The following EXOC1 variants were observed in gnomAD, a reference collection of about 807,000 sequenced individuals.
EXOC1 encodes exocyst complex component 1.
In EXOC1, 67 loss-of-function variants were observed where a neutral mutation model predicts 107.7. The ratio of observed to expected loss-of-function variants is 0.62; its 90% CI spans 0.51 to 0.76. EXOC1 has a LOEUF of 0.76. EXOC1 is among the 30% of genes least tolerant of loss of function. The pLI is 0.00. For missense variants in EXOC1, 833 were observed against 1,055.7 expected, an observed-to-expected ratio of 0.79 and a Z score of 2.92; for synonymous variants, 348 against 353.5, an observed-to-expected ratio of 0.98 and a Z score of 0.17.
At chr4:55,901,731 A>G (rs972264680) in intron 17 of EXOC1, among the ~76,000 whole-genome samples, 2 of 152,152 alleles carry the variant, frequency 1.3e-5, no homozygotes, top group Non-Finnish European at 2.9e-5. Context: ...ATGATGGTAT[A>G]GTGAAGTAGC....
At chr4:55,904,279 T>A in intron 18 of EXOC1, 64 bp from the exon 19 acceptor site, 4 of 1,433,016 alleles carry the variant, frequency 2.8e-6, no homozygotes, top group Non-Finnish European at 3.7e-6. Context: ...TTGGCATTAT[T>A]TCTGCATACT....
chr4:55,875,971 T>A, intron 8 of EXOC1: 1 of 953,952 alleles, frequency 1.0e-6, no homozygotes, highest in Middle Eastern at 5.4e-4. Flanking sequence ...CTATAATATC[T>A]ATATCTGGCT....
At chr4:55,866,356 T>A (rs967133652) in intron 4 of EXOC1, among the ~76,000 whole-genome samples, 1 of 152,168 alleles carries the variant, frequency 6.6e-6, no homozygotes, top group African/African-American at 2.4e-5. Context: ...ACCAGCTTTT[T>A]AAAAAAGAAT....
At chr4:55,872,241 A>G (rs1254471680) in intron 8 of EXOC1, among the ~76,000 whole-genome samples, 1 of 150,216 alleles carries the variant, frequency 6.7e-6, no homozygotes, top group African/African-American at 2.5e-5. Context: ...AGATATTTTT[A>G]TTTATAAAGT....
At chr4:55,900,025 G>T in intron 17 of EXOC1, 141 bp downstream of exon 17, 1 of 580,310 alleles carries the variant, frequency 1.7e-6, no homozygotes, top group Non-Finnish European at 3.0e-6. Context: ...CTGCCAGTGT[G>T]CCAGACACTG....
intron 6 of EXOC1, 87 bp from the exon 7 acceptor site, chr4:55,871,014 A>G: frequency 6.4e-7 from 1 of 1,556,182 alleles, no homozygotes; most frequent in South Asian, 1.2e-5. Flanking sequence ...AAATAATTCC[A>G]AAGACCTAAT....
chr4:55,853,989 C>T (rs1720712898), intron 1 of EXOC1, 36 bp downstream of exon 1: 1 of 152,288 alleles, frequency 6.6e-6, no homozygotes, highest in African/African-American at 2.4e-5. Flanking sequence ...TCTCCAGTCC[C>T]TTGTCCTCGG....
rs1158493860 is a variant in EXOC1 at position 55,904,823 on chromosome 4, T to C, written c.*328T>C. On this transcript the variant is annotated 3_prime_UTR_variant, in exon 19 of 19. Coordinates refer to ENST00000381295, the MANE Select transcript of EXOC1 (RefSeq NM_001024924.2). The stretch of plus-strand genomic sequence containing the variant: ...GTGGTTGTCCTATGAGCAATGCATT[T>C]GGAGTTCTTCAGCTTTCACTACTTC... The C allele has an allele frequency of 5.4e-6, 1 of 184,990 alleles. No homozygotes were observed. Among genetic ancestry groups the C allele is most frequent in the African/African-American group, 2.3e-5 (1 of 42,798 alleles). 11.5% of individuals were successfully genotyped at this position (184,990 alleles called of 1,614,324 possible).
At chr4:55,860,373 G>T (rs368361990) in intron 2 of EXOC1, 38 bp from the exon 3 acceptor site, 1 of 1,609,656 alleles carries the variant, frequency 6.2e-7, no homozygotes, top group Non-Finnish European at 8.5e-7. Context: ...AGTGAAAGGG[G>T]TAATATTTCT....
At chr4:55,902,804 G>GGTTGGTTT (rs1726124101) in intron 18 of EXOC1, among the ~76,000 whole-genome samples, 1 of 151,628 alleles carries the variant, frequency 6.6e-6, no homozygotes, top group South Asian at 2.1e-4. Flanking sequence ...TTGGTTGGTT[G>GGTTGGTTT]GTTGAGTGGT....
intron 9 of EXOC1, chr4:55,882,766 C>G (rs1723527320): frequency 6.6e-6 from 1 of 152,002 alleles, no homozygotes; most frequent in South Asian, 2.1e-4. Context: ...GAAGGTATAC[C>G]TGATCTTTAA....
At chr4:55,861,892 A>T (rs1721507475) in intron 3 of EXOC1, among the ~76,000 whole-genome samples, 1 of 152,168 alleles carries the variant, frequency 6.6e-6, no homozygotes, top group Non-Finnish European at 1.5e-5. Context: ...TGTCTCTACT[A>T]AAATACAAAA....
chr4:55,860,265 T>G, intron 2 of EXOC1, 146 bp from the exon 3 acceptor site: 2 of 848,162 alleles, frequency 2.4e-6, no homozygotes, highest in South Asian at 4.4e-5. Flanking sequence ...ATTCTGTGCT[T>G]TCCTCGGTCA....
Position 55,891,305 on chromosome 4 carries a change from TTTTC to T in EXOC1, c.1540-7_1540-4del. On this transcript the variant is annotated splice_region_variant and splice_polypyrimidine_tract_variant and intron_variant, in intron 12 of 18. Coordinates refer to ENST00000381295, the MANE Select transcript of EXOC1 (RefSeq NM_001024924.2). ...TTCTTTCGTTATAGGATCACTTTGG[TTTTC>T]TTCAGATCTTTGAACAGGTACTAAG... 6.3e-7 allele frequency: 1 copy of T among 1,593,488 alleles called. No individual in the cohort carries two copies. Among genetic ancestry groups the T allele is most frequent in the Non-Finnish European group, 8.6e-7 (1 of 1,161,534 alleles).
chr4:55,857,467 C>A (rs561259134), intron 1 of EXOC1, among the ~76,000 whole-genome samples: 1 of 152,014 alleles, frequency 6.6e-6, no homozygotes, highest in Non-Finnish European at 1.5e-5. Flanking sequence ...CGCCCGTGCC[C>A]GGCCCTTTGT....
At chr4:55,895,526 CTAA>C (rs1480768339) in intron 15 of EXOC1, among the ~76,000 whole-genome samples, 83 of 152,194 alleles carry the variant, frequency 5.5e-4, no homozygotes, top group African/African-American at 2.0e-3. Flanking sequence ...TTTTCTTATA[CTAA>C]TGTCAGAAGC....
chr4:55,880,948 G>A (rs1409356907), intron 9 of EXOC1, among the ~76,000 whole-genome samples: 1 of 152,024 alleles, frequency 6.6e-6, no homozygotes, highest in Non-Finnish European at 1.5e-5. Context: ...GAAGAAGAAA[G>A]GAATGAAGAA....
At chr4:55,879,616 A>ATTAAATCAT (rs1723201408) in intron 9 of EXOC1, among the ~76,000 whole-genome samples, 1 of 152,208 alleles carries the variant, frequency 6.6e-6, no homozygotes, top group African/African-American at 2.4e-5. Flanking sequence ...CCATTGTAGC[A>ATTAAATCAT]GGAAGCCATA....
At chr4:55,885,364 A>G (rs1429848284) in intron 10 of EXOC1, among the ~76,000 whole-genome samples, 1 of 152,208 alleles carries the variant, frequency 6.6e-6, no homozygotes, top group Admixed American at 6.5e-5. Context: ...ATATAACTGA[A>G]GTACAATAGT....
Sources: gnomAD v4.1 joint callset for allele counts (sites outside exome capture counted in the v4.1 genomes callset) on GRCh38, gnomAD v4.1.1 for gene constraint, MANE v1.5 for transcripts, NCBI Gene and HGNC (gene_info 2026-07-23, HGNC 2026-07-21) for gene names.